Variants in NAV2 observed in about 807,000 individuals in gnomAD.
The protein encoded by NAV2 is neuron navigator 2, also known as helicase, APC down-regulated 1.
A neutral mutation model predicts 223.2 loss-of-function variants in NAV2; 54 were observed. That is an observed-to-expected ratio of 0.24 (90% CI 0.19 to 0.30). The LOEUF (loss-of-function observed/expected upper bound fraction) is 0.30. Among genes scored for constraint, NAV2 ranks in the 10% least tolerant of loss-of-function variants. The pLI is 1.00. For missense variants in NAV2, 2,806 were observed against 3,147.5 expected, an observed-to-expected ratio of 0.89 and a Z score of 2.60; for synonymous variants, 1,279 against 1,239.3, an observed-to-expected ratio of 1.03 and a Z score of -0.67.
At chr11:19,861,117 G>GAGGGAA (rs2061756970) in intron 3 of NAV2, among the ~76,000 whole-genome samples, 1 of 151,050 alleles carries the variant, frequency 6.6e-6, no homozygotes, top group Non-Finnish European at 1.5e-5. Context: ...GGGAGAGGGA[G>GAGGGAA]AGGGAGAGGG....
intron 26 of NAV2, among the ~76,000 whole-genome samples, chr11:20,087,268 A>G (rs2060510998): frequency 6.6e-6 from 1 of 152,130 alleles, no homozygotes; most frequent in Admixed American, 6.5e-5. Flanking sequence ...CCTCCAAGCC[A>G]CTTTCCCCAG....
intron 1 of NAV2, among the ~76,000 whole-genome samples, chr11:19,394,935 C>T (rs1849390316): frequency 6.6e-6 from 1 of 152,222 alleles, no homozygotes; most frequent in Admixed American, 6.5e-5. Context: ...TTAACCAGTA[C>T]ATAATCCCGT....
chr11:19,529,060 G>T (rs776419864), intron 1 of NAV2, among the ~76,000 whole-genome samples: 1 of 151,984 alleles, frequency 6.6e-6, no homozygotes, highest in Non-Finnish European at 1.5e-5. Context: ...TGGCACGTGC[G>T]TGCACACACA....
intron 1 of NAV2, among the ~76,000 whole-genome samples, chr11:19,820,706 T>G (rs1180912743): frequency 1.3e-5 from 2 of 152,212 alleles, no homozygotes; most frequent in African/African-American, 4.8e-5. Context: ...TTTTCCAGTA[T>G]GTAAAATGGG....
Position 19,567,462 on chromosome 11 carries a change from T to C in NAV2, c.75+216435T>C, listed in dbSNP as rs570518337. ...TAATGTTCTCACATTTATTCCCTTC[T>C]CTCTTTTCCCATCAGCACTGTCCAG... On this transcript the variant is annotated intron_variant, in intron 1 of 37. Transcript: ENST00000360655. 9.4e-4 allele frequency among the ~76,000 whole-genome samples: 143 copies of C among 152,326 alleles called. 1 individual carries two copies. Among genetic ancestry groups the C allele is most frequent in the Non-Finnish European group, 1.8e-3 (123 of 68,026 alleles).
At chr11:19,792,764 C>T (rs2057612438) in intron 1 of NAV2, among the ~76,000 whole-genome samples, 1 of 152,118 alleles carries the variant, frequency 6.6e-6, no homozygotes, top group African/African-American at 2.4e-5. Flanking sequence ...AGCATCATGC[C>T]AGAGCACATT....
intron 36 of NAV2, 34 bp downstream of exon 36, chr11:20,107,816 T>G (rs773306002): frequency 3.6e-6 from 5 of 1,408,156 alleles, no homozygotes; most frequent in Non-Finnish European, 4.0e-6. Flanking sequence ...TCCTTGAAGC[T>G]GAGGGGGACT....
chr11:19,634,644 G>A (rs887210815), intron 1 of NAV2, among the ~76,000 whole-genome samples: 1 of 152,202 alleles, frequency 6.6e-6, no homozygotes, highest in Admixed American at 6.5e-5. Context: ...GGACCCCAGG[G>A]ATATAGAGGT....
intron 1 of NAV2, among the ~76,000 whole-genome samples, chr11:19,543,185 G>A (rs1565033837): frequency 6.6e-6 from 1 of 152,194 alleles, no homozygotes; most frequent in Non-Finnish European, 1.5e-5. Context: ...TCCGATATGG[G>A]TGACTTAAAG....
intron 1 of NAV2, among the ~76,000 whole-genome samples, chr11:19,583,636 CAT>C (rs1312007387): frequency 6.6e-6 from 1 of 152,156 alleles, no homozygotes; most frequent in Non-Finnish European, 1.5e-5. Flanking sequence ...TTGAGATAAT[CAT>C]GTGGTTTTTG....
At chr11:20,012,398 G>C (rs191220944) in intron 11 of NAV2, among the ~76,000 whole-genome samples, 1 of 152,126 alleles carries the variant, frequency 6.6e-6, no homozygotes, top group Non-Finnish European at 1.5e-5. Flanking sequence ...ACTCATGGCC[G>C]GGCACAGTGG....
chr11:19,383,931 T>C (rs1311622422), intron 1 of NAV2, among the ~76,000 whole-genome samples: 1 of 152,254 alleles, frequency 6.6e-6, no homozygotes, highest in Non-Finnish European at 1.5e-5. Flanking sequence ...GATTTAGCTC[T>C]TAAAATGTTT....
intron 1 of NAV2, among the ~76,000 whole-genome samples, chr11:19,826,928 G>A (rs55798526): frequency 0.25 from 38,728 of 152,098 alleles, 5,100 homozygotes; most frequent in East Asian, 0.34. Flanking sequence ...CCCCTGTGAC[G>A]CACTACCAGG....
intron 1 of NAV2, among the ~76,000 whole-genome samples, chr11:19,675,247 T>C (rs1381071512): frequency 1.3e-5 from 2 of 152,208 alleles, no homozygotes; most frequent in Admixed American, 1.3e-4. Flanking sequence ...ACTTTAATCA[T>C]ATGTTTCAAA....
chr11:19,824,739 T>C (rs2152866147), intron 1 of NAV2, among the ~76,000 whole-genome samples: 1 of 152,346 alleles, frequency 6.6e-6, no homozygotes, highest in South Asian at 2.1e-4. Flanking sequence ...TGTGGACTTG[T>C]GGTTGATACC....
intron 1 of NAV2, among the ~76,000 whole-genome samples, chr11:19,636,389 A>G (rs1262362312): frequency 1.3e-5 from 2 of 152,190 alleles, no homozygotes; most frequent in African/African-American, 4.8e-5. Flanking sequence ...TCACTCTGGA[A>G]GGGACCCAGG....
chr11:19,400,072 T>G (rs530765295), intron 1 of NAV2, among the ~76,000 whole-genome samples: 139 of 152,298 alleles, frequency 9.1e-4, no homozygotes, highest in African/African-American at 3.1e-3. Context: ...AGAGTACATT[T>G]GGGAAGCTGT....
intron 1 of NAV2, among the ~76,000 whole-genome samples, chr11:19,688,424 C>T (rs532088413): frequency 6.6e-4 from 101 of 152,250 alleles, no homozygotes; most frequent in Admixed American, 2.2e-3. Flanking sequence ...CAGACTATGC[C>T]GTGGTAACAG....
chr11:19,374,770 C>T (rs1848587102), intron 1 of NAV2, among the ~76,000 whole-genome samples: 1 of 152,130 alleles, frequency 6.6e-6, no homozygotes, highest in African/African-American at 2.4e-5. Context: ...TAACGTTCTC[C>T]CGCTTTGTTC....
Sources: gnomAD v4.1 joint callset for allele counts (sites outside exome capture counted in the v4.1 genomes callset) on GRCh38, gnomAD v4.1.1 for gene constraint, MANE v1.5 for transcripts, NCBI Gene and HGNC (gene_info 2026-07-23, HGNC 2026-07-21) for gene names.